CFAP20DC: variants seen among roughly 807,000 people sequenced by gnomAD.
CFAP20DC encodes the protein protein CFAP20DC.
A neutral mutation model predicts 101.7 loss-of-function variants in CFAP20DC; 84 were observed. The observed-to-expected ratio is 0.83, with a 90% CI of 0.69 to 0.99. The LOEUF is 0.99. Among genes scored for constraint, CFAP20DC ranks in the 50% least tolerant of loss-of-function variants. CFAP20DC has a pLI of 0.00. For synonymous variants in CFAP20DC, 359 were observed against 351.2 expected (o/e 1.02, Z -0.25); for missense variants, 1,007 against 970.3 (o/e 1.04, Z -0.50).
At chr3:58,891,123 AG>A (rs1398169748) in intron 6 of CFAP20DC, among the ~76,000 whole-genome samples, 2 of 151,346 alleles carry the variant, frequency 1.3e-5, no homozygotes. Flanking sequence ...ACTGCACTCC[AG>A]CCTGGGCACC....
intron 4 of CFAP20DC, among the ~76,000 whole-genome samples, chr3:58,990,760 T>TGG (rs1553758600): frequency 1.3e-5 from 2 of 150,416 alleles, no homozygotes; most frequent in Non-Finnish European, 3.0e-5. Context: ...AGCTGGTGTG[T>TGG]GTGTGTGTGT....
intron 6 of CFAP20DC, among the ~76,000 whole-genome samples, chr3:58,900,439 T>C (rs1409191335): frequency 6.6e-6 from 1 of 152,172 alleles, no homozygotes. Context: ...ATATTACAAC[T>C]TTCTCCCAGA....
At chr3:58,775,745 CTTTT>C (rs745494338) in intron 15 of CFAP20DC, among the ~76,000 whole-genome samples, 1 of 133,704 alleles carries the variant, frequency 7.5e-6, no homozygotes. Context: ...CCTTTTCTGT[CTTTT>C]TTTTTTTTTT....
intron 6 of CFAP20DC, among the ~76,000 whole-genome samples, chr3:58,905,261 C>G (rs1251343566): frequency 6.6e-6 from 1 of 152,026 alleles, no homozygotes; most frequent in East Asian, 1.9e-4. Flanking sequence ...CTTCCTTTTA[C>G]TTAACAATCT....
intron 4 of CFAP20DC, among the ~76,000 whole-genome samples, chr3:59,027,366 G>C (rs141758088): frequency 1.3e-4 from 20 of 152,144 alleles, no homozygotes; most frequent in Non-Finnish European, 2.4e-4. Flanking sequence ...ACACATGAAA[G>C]CTTGTACATA....
chr3:58,884,623 T>C lies in CFAP20DC; in HGVS notation c.637A>G (p.Thr213Ala), dbSNP rs773021078. The C allele has an allele frequency of 6.2e-7, 1 of 1,614,062 alleles. No homozygotes were observed. The highest frequency in any genetic ancestry group is 8.5e-7 in the Non-Finnish European group (1 of 1,179,926). The stretch of plus-strand genomic sequence containing the variant: ...AGTTTAGTCATGTTTAGCAGCTGTG[T>C]GACATGTGGAACATCTGTCATTAGT... ...CQLMTDVPHVTQLLNMTKLRQ... is the reference protein window; with the variant it reads ...CQLMTDVPHVAQLLNMTKLRQ... Residue 213 changes from threonine to alanine, a missense_variant, in exon 7 of 17, where the codon ACA becomes GCA. Thr to Ala is a moderately conservative substitution (Grantham distance 58). Coordinates refer to ENST00000482387, the MANE Select transcript of CFAP20DC (RefSeq NM_001394063.1).
chr3:58,946,417 C>A (rs750151741), intron 4 of CFAP20DC, among the ~76,000 whole-genome samples: 3 of 152,086 alleles, frequency 2.0e-5, no homozygotes, highest in African/African-American at 4.8e-5. Flanking sequence ...AACCCAGCCC[C>A]CAGTGTTTTA....
intron 14 of CFAP20DC, among the ~76,000 whole-genome samples, chr3:58,807,434 G>A (rs1257213155): frequency 6.6e-6 from 1 of 152,174 alleles, no homozygotes; most frequent in African/African-American, 2.4e-5. Context: ...TGCAGCCACC[G>A]CTGCGGATAC....
intron 6 of CFAP20DC, among the ~76,000 whole-genome samples, chr3:58,906,479 C>T (rs978218971): frequency 2.0e-5 from 3 of 152,130 alleles, no homozygotes; most frequent in African/African-American, 7.2e-5. Context: ...TACCTTCTAC[C>T]CTGCCACCAT....
At chr3:58,881,986 T>C (rs1475090609) in intron 7 of CFAP20DC, among the ~76,000 whole-genome samples, 1 of 152,146 alleles carries the variant, frequency 6.6e-6, no homozygotes, top group East Asian at 1.9e-4. Flanking sequence ...AATTGAAAAG[T>C]ATTTACAGAA....
intron 4 of CFAP20DC, among the ~76,000 whole-genome samples, chr3:59,031,872 G>A (rs1437063229): frequency 6.6e-6 from 1 of 152,154 alleles, no homozygotes; most frequent in Non-Finnish European, 1.5e-5. Context: ...CTTAGTAAAA[G>A]TAGTATAAAA....
At chr3:58,936,926 T>C (rs1266353215) in intron 5 of CFAP20DC, among the ~76,000 whole-genome samples, 4 of 129,098 alleles carry the variant, frequency 3.1e-5, no homozygotes, top group South Asian at 2.6e-4. Flanking sequence ...AGTATAATAA[T>C]AACAAAATTA....
At chr3:58,880,913 T>C (rs2108623485) in intron 7 of CFAP20DC, among the ~76,000 whole-genome samples, 1 of 152,270 alleles carries the variant, frequency 6.6e-6, no homozygotes, top group Non-Finnish European at 1.5e-5. Context: ...CCAACAATCC[T>C]AAGACAAGGC....
intron 14 of CFAP20DC, among the ~76,000 whole-genome samples, 174 bp from the exon 15 acceptor site, chr3:58,806,630 G>A (rs1434131553): frequency 6.6e-6 from 1 of 152,216 alleles, no homozygotes; most frequent in African/African-American, 2.4e-5. Flanking sequence ...ACAGCTCCCA[G>A]CGTGAGCGAT....
chr3:58,785,348 G>C (rs1023855768), intron 15 of CFAP20DC, among the ~76,000 whole-genome samples: 1 of 151,816 alleles, frequency 6.6e-6, no homozygotes, highest in Non-Finnish European at 1.5e-5. Flanking sequence ...TTAGATAGAA[G>C]GTATAAATTC....
chr3:58,884,334 G>A (rs2081442910), intron 7 of CFAP20DC, among the ~76,000 whole-genome samples: 1 of 152,168 alleles, frequency 6.6e-6, no homozygotes, highest in African/African-American at 2.4e-5. Context: ...CAAATACTCA[G>A]GCAACCGGCC....
chr3:58,908,694 C>G (rs564168214), intron 6 of CFAP20DC, among the ~76,000 whole-genome samples: 1 of 152,176 alleles, frequency 6.6e-6, no homozygotes, highest in Non-Finnish European at 1.5e-5. Flanking sequence ...AAAAACCCCA[C>G]ACAAAAATGT....
chr3:58,995,967 G>A (rs2093108050), intron 4 of CFAP20DC, among the ~76,000 whole-genome samples: 1 of 121,838 alleles, frequency 8.2e-6, no homozygotes, highest in Non-Finnish European at 1.7e-5. Flanking sequence ...AGCCAATTCT[G>A]TATAATAAAT....
chr3:58,753,987 A>G (rs927616695), intron 15 of CFAP20DC, 124 bp from the exon 16 acceptor site: 1 of 623,316 alleles, frequency 1.6e-6, no homozygotes, highest in Non-Finnish European at 2.8e-6. Flanking sequence ...TTCATATTTC[A>G]GAAAGACAGA....
Sources: allele counts gnomAD v4.1 joint callset (sites outside exome capture counted in the v4.1 genomes callset), GRCh38; gene constraint gnomAD v4.1.1; transcripts MANE v1.5; gene names NCBI Gene and HGNC (gene_info 2026-07-23, HGNC 2026-07-21).